The following GPC1 variants were observed in gnomAD, a reference collection of about 807,000 sequenced individuals.
GPC1 encodes glypican 1.
GPC1 carries 26 observed loss-of-function variants against 51.5 expected under a neutral mutation model. The ratio of observed to expected loss-of-function variants is 0.50; its 90% CI spans 0.37 to 0.70. The LOEUF (loss-of-function observed/expected upper bound fraction) is 0.70. GPC1 is among the 30% of genes least tolerant of loss of function. The pLI is 0.00. For synonymous variants in GPC1, 380 were observed against 348.3 expected (o/e 1.09, Z -1.01); for missense variants, 775 against 800.5 (o/e 0.97, Z 0.38).
Position 240,462,257 on chromosome 2 carries a change from G to A in GPC1, c.392G>A (p.Gly131Glu). ...TLQATFPGAF[G>E]ELYTQNARAF... is the part of the protein sequence containing the mutation. ...CAGGCCACCTTCCCCGGCGCCTTCG[G>A]AGAGCTGTACACGCAGAACGCGAGG... Residue 131 changes from glycine to glutamate, a missense_variant, in exon 3 of 9, where the codon GGA (glycine) becomes GAA (glutamate). Gly to Glu is a moderately conservative substitution (Grantham distance 98, BLOSUM62 -2). Transcript: ENST00000264039. 1.2e-6 allele frequency: 2 copies of A among 1,610,840 alleles called. No homozygotes were observed. The highest frequency in any genetic ancestry group is 1.1e-5 in the South Asian group (1 of 90,778).
intron 1 of GPC1, chr2:240,457,567 G>A (rs972585563): frequency 3.6e-5 from 16 of 440,260 alleles, no homozygotes; most frequent in Admixed American, 9.5e-5. Context: ...TGCAGTAAGC[G>A]GGTAGGGCAC....
intron 1 of GPC1, chr2:240,452,750 CGGGGCGGGGGCTGCGG>C (rs2074111797): frequency 6.7e-6 from 1 of 149,662 alleles, no homozygotes; most frequent in African/African-American, 2.4e-5. Context: ...CCGAGCGCGG[CGGGGCGGGGGCTGCGG>C]GAGGACGCTC....
At chr2:240,461,664 A>G (rs2074217028) in intron 2 of GPC1, among the ~76,000 whole-genome samples, 1 of 151,968 alleles carries the variant, frequency 6.6e-6, no homozygotes, top group Non-Finnish European at 1.5e-5. Context: ...AAGCTGAGAG[A>G]AGACAAGAAG....
rs1318351715 is a variant in GPC1, at chr2:240,465,166, C to T, written c.1224C>T (p.Ser408=). ...GTLCSEKMAL[S]TASDDRCWNG... ...TGTGCAGTGAGAAGATGGCCCTGAG[C>T]ACTGCCAGTGATGACCGCTGCTGGA... The change falls in exon 7 of 9, where the codon AGC becomes AGT. Residue 408 remains serine, a synonymous_variant. Transcript: ENST00000264039. 6.2e-7 allele frequency: 1 copy of T among 1,612,358 alleles called. No homozygotes were observed. Among genetic ancestry groups the T allele is most frequent in the Non-Finnish European group, 8.5e-7 (1 of 1,179,722 alleles).
At position 240,435,934 on chromosome 2, in the gene GPC1, C is replaced by G; in HGVS notation, c.16C>G (p.Arg6Gly). Reference sequence around the variant, plus strand: ...CGGCCCCGCCATGGAGCTCCGGGCCCGAGGCTGGTGGCTGCTATGTGCGGC... The same window carrying G: ...CGGCCCCGCCATGGAGCTCCGGGCCGGAGGCTGGTGGCTGCTATGTGCGGC... MELRA[R>G]GWWLLCAAAA... Residue 6 changes from arginine (R) to glycine (G), a missense_variant, in exon 1 of 9, where the codon CGA (arginine) becomes GGA (glycine). Coordinates refer to ENST00000264039, the MANE Select transcript of GPC1 (RefSeq NM_002081.3). 10 of 1,266,704 alleles carry G rather than the reference C, an allele frequency of 7.9e-6. No individual in the cohort carries two copies. The highest frequency in any genetic ancestry group is 2.7e-5 in the South Asian group (1 of 36,916). 78.5% of individuals were successfully genotyped at this position (1,266,704 alleles called of 1,614,324 possible). A position where few individuals can be genotyped will look rare whatever the true frequency, so the allele number is the denominator to read the frequency against.
At position 240,462,383 on chromosome 2, in the gene GPC1, G is replaced by A. The variant is rs767152299; in HGVS notation, c.518G>A (p.Arg173His). ...GAGTTCTGGGCCCGCCTGCTCGAGCGCCTCTTCAAGCAGCTGCACCCCCAG... is the reference window on the plus strand; with the variant it reads ...GAGTTCTGGGCCCGCCTGCTCGAGCACCTCTTCAAGCAGCTGCACCCCCAG... ...LAEFWARLLE[R>H]LFKQLHPQLL... Residue 173 changes from arginine (R) to histidine (H), a missense_variant, in exon 3 of 9, where the codon CGC becomes CAC. By Grantham distance (29) the Arg-to-His change is conservative. Coordinates refer to ENST00000264039, the MANE Select transcript of GPC1 (RefSeq NM_002081.3). 1.8e-5 allele frequency: 28 copies of A among 1,594,210 alleles called. No homozygotes were observed. The Admixed American group carries it at 1.9e-4, about 11-fold the overall frequency.
chr2:240,451,149 C>G (rs552089346), intron 1 of GPC1: 3 of 471,278 alleles, frequency 6.4e-6, no homozygotes, highest in Admixed American at 4.7e-5. Context: ...GTTTATGAGC[C>G]ATCCCTCTTG....
Position 240,464,942 on chromosome 2 carries a change from G to A in GPC1, c.1101G>A (p.Arg367=). 3 of 1,552,174 alleles carry A rather than the reference G, an allele frequency of 1.9e-6. No homozygotes were observed. The highest frequency in any genetic ancestry group is 1.2e-5 in the South Asian group (1 of 84,232). ...EKRRRGKLAP[R]ERPPSGTLEK... ...GGCGCCGGGGCAAGCTGGCCCCGCG[G>A]GAGAGGCCACCTTCAGGCACGCTGG... The change falls in exon 6 of 9, where the codon CGG becomes CGA. Residue 367 remains arginine, a synonymous_variant. Transcript: ENST00000264039.
intron 1 of GPC1, among the ~76,000 whole-genome samples, chr2:240,447,189 G>A (rs1316237675): frequency 2.6e-5 from 4 of 152,114 alleles, no homozygotes; most frequent in African/African-American, 7.2e-5. Context: ...CAGGAGGGGC[G>A]TGACCAGAGG....
At chr2:240,459,467 C>T (rs1424469726) in intron 2 of GPC1, among the ~76,000 whole-genome samples, 1 of 152,190 alleles carries the variant, frequency 6.6e-6, no homozygotes, top group Non-Finnish European at 1.5e-5. Context: ...CCATCAGCCC[C>T]TCAGAGGCTC....
Position 240,464,674 on chromosome 2 carries a change from C to T in GPC1, c.942C>T (p.Ile314=), listed in dbSNP as rs765861084. The change falls in exon 5 of 9, where the codon ATC becomes ATT. Residue 314 remains isoleucine (I), a synonymous_variant. Transcript: ENST00000264039. ...GTACATCGGGTGTGGAGAGTGTCAT[C>T]GGCAGCGTGCACACGTGGCTGGCGG... ...FWGTSGVESV[I]GSVHTWLAEA... 6.2e-6 allele frequency: 10 copies of T among 1,612,974 alleles called. No homozygotes were observed. Among genetic ancestry groups the T allele is most frequent in the South Asian group, 2.2e-5 (2 of 91,070 alleles).
intron 1 of GPC1, chr2:240,457,562 T>A: frequency 2.3e-6 from 1 of 444,298 alleles, no homozygotes; most frequent in Non-Finnish European, 4.8e-6. Flanking sequence ...TCTCTTGCAG[T>A]AAGCGGGTAG....
At chr2:240,450,850 C>T in intron 1 of GPC1, 1 of 455,448 alleles carries the variant, frequency 2.2e-6, no homozygotes, top group Non-Finnish European at 4.6e-6. Context: ...AAAGTGGAGG[C>T]TCCCCTGGCA....
chr2:240,441,934 C>T (rs1054677358), intron 1 of GPC1, among the ~76,000 whole-genome samples: 7 of 152,254 alleles, frequency 4.6e-5, no homozygotes, highest in East Asian at 1.9e-4. Flanking sequence ...CCGTGGGTGG[C>T]GGGGAAGTAC....
chr2:240,446,768 G>A (rs944739988), intron 1 of GPC1, among the ~76,000 whole-genome samples: 4 of 152,204 alleles, frequency 2.6e-5, no homozygotes, highest in African/African-American at 9.6e-5. Flanking sequence ...CTCATTGAGA[G>A]GACCAGAGAG....
intron 1 of GPC1, among the ~76,000 whole-genome samples, chr2:240,457,731 CCCTCTCCTG>C (rs1329610505): frequency 6.6e-6 from 1 of 152,168 alleles, no homozygotes; most frequent in Non-Finnish European, 1.5e-5. Context: ...GGTCCTGGCT[CCCTCTCCTG>C]CCTCTCCTCC....
chr2:240,436,828 C>T (rs1478860333), intron 1 of GPC1, among the ~76,000 whole-genome samples: 1 of 152,254 alleles, frequency 6.6e-6, no homozygotes, highest in South Asian at 2.1e-4. Context: ...GCGTTGGATC[C>T]CGCCCAGGGG....
chr2:240,441,420 A>G (rs1448745555), intron 1 of GPC1, among the ~76,000 whole-genome samples: 1 of 152,202 alleles, frequency 6.6e-6, no homozygotes, highest in Non-Finnish European at 1.5e-5. Flanking sequence ...CCTTTTCTTA[A>G]GCCAGACCGT....
At chr2:240,449,935 G>A (rs759329980) in intron 1 of GPC1, 3 of 469,554 alleles carry the variant, frequency 6.4e-6, no homozygotes, top group Admixed American at 2.3e-5. Context: ...CAGACAGTTT[G>A]TGGAAACAAT....
Sources: allele counts gnomAD v4.1 joint callset (sites outside exome capture counted in the v4.1 genomes callset), GRCh38; gene constraint gnomAD v4.1.1; transcripts MANE v1.5; gene names NCBI Gene and HGNC (gene_info 2026-07-23, HGNC 2026-07-21).